Variants in DNM1 observed in about 807,000 individuals in gnomAD.
DNM1 encodes dynamin 1.
Under a neutral mutation model 104.6 loss-of-function variants are expected in DNM1, and 29 were observed. The ratio of observed to expected loss-of-function variants is 0.28; its 90% CI spans 0.21 to 0.38. The LOEUF (loss-of-function observed/expected upper bound fraction) is 0.38. Ranked by LOEUF, DNM1 falls within the 10% of genes least tolerant of loss-of-function variation. The pLI is 1.00. For synonymous variants in DNM1, 445 were observed against 475.8 expected, an observed-to-expected ratio of 0.94 and a Z score of 0.84; for missense variants, 640 against 1,189.4, an observed-to-expected ratio of 0.54 and a Z score of 6.79.
rs1050548417 is a variant in DNM1 at position 128,247,159 on chromosome 9, C to T, written c.1782-216C>T. ...CTTCTAAGCATTTTACCACTCACTT[C>T]ACTGAATCCTCAGTGACCCAAGGAG... On this transcript the variant is annotated intron_variant, in intron 16 of 21. Transcript: ENST00000372923. This position sits in a 1 kb window ranked among gnomAD's most constrained non-coding sequence, Gnocchi z 5.1. The T allele has an allele frequency of 2.1e-6, 1 of 475,584 alleles. No individual in the cohort carries two copies. The highest frequency in any genetic ancestry group is 3.3e-5 in the Admixed American group (1 of 30,250). The allele number at this position is 475,584 out of a possible 1,614,324, so 29.5% of individuals were successfully genotyped here.
In DNM1 at chr9:128,226,225, C is replaced by T. The variant is rs930758782; in HGVS notation, c.1335+1836C>T. 3.7e-6 allele frequency: 6 copies of T among 1,604,838 alleles called. No individual in the cohort carries two copies. The African/African-American group carries it at 8.0e-5, about 21-fold the overall frequency. On this transcript the variant is annotated intron_variant, in intron 10 of 21. Coordinates refer to ENST00000372923, the MANE Select transcript of DNM1 (RefSeq NM_004408.4). ...GGCCTGGCCGTCCATTCCTTGTGGC[C>T]ACAGCCTCCCGTGGGCAGAAGGATC...
At chr9:128,239,360 C>A (rs1442114124) in intron 11 of DNM1, 85 bp from the exon 12 acceptor site, 2 of 976,690 alleles carry the variant, frequency 2.0e-6, no homozygotes, top group African/African-American at 1.6e-5. Flanking sequence ...ATATGTGCTG[C>A]AAGTACTTTT....
rs968662562 is a variant in DNM1 at position 128,234,044 on chromosome 9, G to C, written c.1359G>C (p.Arg453=). 6.3e-7 allele frequency: 1 copy of C among 1,576,090 alleles called. No individual in the cohort carries two copies. The highest frequency in any genetic ancestry group is 2.4e-5 in the East Asian group (1 of 42,386). ...TKKLQQYPRL[R]EEMERIVTTH... is the part of the protein sequence containing the mutation. ...AGCTCCAGCAGTACCCGCGGCTACG[G>C]GAGGAGATGGAGCGCATCGTGACCA... The change falls in exon 11 of 22, where the codon CGG becomes CGC. Residue 453 remains arginine, a synonymous_variant. Coordinates refer to ENST00000372923, the MANE Select transcript of DNM1 (RefSeq NM_004408.4).
Position 128,253,676 on chromosome 9 carries a change from A to C in DNM1, c.2535-978A>C. On this transcript the variant is annotated intron_variant, in intron 21 of 21. Transcript: ENST00000372923. The surrounding 1 kb of genome is among the most constrained non-coding windows in gnomAD (Gnocchi z 5.9). ...GTCCCACCTCCTCTATCTGCCGGCA[A>C]TCCAGTGGTGACCTAGGGTAAAAGC... is the stretch of plus-strand genomic sequence containing the variant. The C allele has an allele frequency of 4.2e-6, 1 of 235,594 alleles. No homozygotes were observed. The highest frequency in any genetic ancestry group is 8.2e-6 in the Non-Finnish European group (1 of 122,690). The allele number at this position is 235,594 out of a possible 1,614,324, so 14.6% of individuals were successfully genotyped here.
At chr9:128,226,177 T>C in intron 10 of DNM1, 1 of 1,612,816 alleles carries the variant, frequency 6.2e-7, no homozygotes, top group East Asian at 2.2e-5. Context: ...CGAAAAGGTA[T>C]GACGGCCGCC....
rs1375160522 is a variant in DNM1, at chr9:128,254,201, G to C, written c.2535-453G>C. On this transcript the variant is annotated intron_variant, in intron 21 of 21. Transcript: ENST00000372923. The surrounding 1 kb of genome is among the most constrained non-coding windows in gnomAD (Gnocchi z 6.1). ...GCGCTCCCTCCAGCCATCCCTTTTA[G>C]TTTCACCCTCCTGGTTCAAGCAGTG... 2 of 1,329,866 alleles carry C rather than the reference G, an allele frequency of 1.5e-6. No homozygotes were observed. The highest frequency in any genetic ancestry group is 6.1e-5 in the East Asian group (2 of 32,638). 82.4% of individuals were successfully genotyped at this position (1,329,866 alleles called of 1,614,324 possible).
In DNM1 at chr9:128,238,981, ATCCTC is replaced by A. The variant is rs560358434; in HGVS notation, c.1423-441_1423-437del. Among the ~76,000 whole-genome samples the A allele has an allele frequency of 3.8e-3, 558 of 147,182 alleles. 1 individual carries two copies. Among genetic ancestry groups the A allele is most frequent in the Middle Eastern group, 0.011 (3 of 270 alleles). ...ATTTGTGATTTTCTTTCTTTCTTTC[ATCCTC>A]TCCTCTCCTCTCCTCTCCTCTCTTC... On this transcript the variant is annotated intron_variant, in intron 11 of 21. Transcript: ENST00000372923.
intron 15 of DNM1, chr9:128,244,908 C>A: frequency 2.5e-6 from 1 of 403,642 alleles, no homozygotes; most frequent in South Asian, 1.8e-5. Flanking sequence ...CCCCCCAACC[C>A]CAGCCTGTGT....
In DNM1 at chr9:128,254,888, C is replaced by T; in HGVS notation, c.*174C>T. On this transcript the variant is annotated 3_prime_UTR_variant, in exon 22 of 22. Coordinates refer to ENST00000372923, the MANE Select transcript of DNM1 (RefSeq NM_004408.4). The surrounding 1 kb of genome is among the most constrained non-coding windows in gnomAD (Gnocchi z 6.1). ...TGACCGTTGGTGAAAACTTGTGCCC[C>T]TTCTGTGGTATGCCCTTGCCCTGTT... 3 of 614,932 alleles carry T rather than the reference C, an allele frequency of 4.9e-6. No homozygotes were observed. In the South Asian group the frequency reaches 6.0e-5, roughly 12 times the overall value. The allele number at this position is 614,932 out of a possible 1,614,324, so 38.1% of individuals were successfully genotyped here.
Position 128,220,780 on chromosome 9 carries a change from T to A in DNM1, c.849+439T>A, listed in dbSNP as rs867355994. Among the ~76,000 whole-genome samples, 1 of 151,278 alleles carries A rather than the reference T, an allele frequency of 6.6e-6. No homozygotes were observed. The highest frequency in any genetic ancestry group is 2.0e-4 in the East Asian group (1 of 5,128). ...GTGTGTGTGTGTGTCTGTCTGACTG[T>A]CTGTCTGTGTAGGCAAGACCTGGTT... is the stretch of plus-strand genomic sequence containing the variant. On this transcript the variant is annotated intron_variant, in intron 6 of 21. Transcript: ENST00000372923. The surrounding 1 kb of genome is among the most constrained non-coding windows in gnomAD (Gnocchi z 5.2).
intron 1 of DNM1, among the ~76,000 whole-genome samples, chr9:128,215,287 T>C (rs980808761): frequency 4.6e-5 from 7 of 152,164 alleles, no homozygotes; most frequent in African/African-American, 1.7e-4. Context: ...TAACACGGAG[T>C]GTGGAAACCA....
chr9:128,233,054 G>T (rs145935115), intron 10 of DNM1, among the ~76,000 whole-genome samples: 2 of 152,318 alleles, frequency 1.3e-5, no homozygotes, highest in South Asian at 2.1e-4. Flanking sequence ...GCTGAAGTCC[G>T]GCAGAACCTT....
chr9:128,231,194 CTTTTTTTT>C (rs72047067), intron 10 of DNM1, among the ~76,000 whole-genome samples: 22 of 68,500 alleles, frequency 3.2e-4, no homozygotes, highest in Middle Eastern at 0.015. Flanking sequence ...ATACTTTTGC[CTTTTTTTT>C]TTTTTTTTTT....
Position 128,250,874 on chromosome 9 carries a change from C to T in DNM1, c.2468C>T (p.Pro823Leu), listed in dbSNP as rs1048565011. 1 of 1,351,810 alleles carries T rather than the reference C, an allele frequency of 7.4e-7. No individual in the cohort carries two copies. Among genetic ancestry groups the T allele is most frequent in the Non-Finnish European group, 9.5e-7 (1 of 1,057,668 alleles). The allele number at this position is 1,351,810 out of a possible 1,614,324, so 83.7% of individuals were successfully genotyped here. A position where few individuals can be genotyped will look rare whatever the true frequency, so the allele number is the denominator to read the frequency against. The change falls in exon 21 of 22, where the codon CCT (proline) becomes CTT (leucine). Residue 823 changes from proline (P) to leucine (L), a missense_variant. Pro to Leu is a moderately conservative substitution (Grantham distance 98). Around this residue, in one of 7 missense-constraint regions of DNM1, gnomAD observed 129 missense variants for 224.6 expected, o/e 0.57. Coordinates refer to ENST00000372923, the MANE Select transcript of DNM1 (RefSeq NM_004408.4). Reference sequence around the variant, plus strand: ...GTGCCCTCCAGGCCGGGGGCTTCCCCTGACCCTTTCGGCCCTCCCCCTCAG... The same window carrying T: ...GTGCCCTCCAGGCCGGGGGCTTCCCTTGACCCTTTCGGCCCTCCCCCTCAG... ...PPVPSRPGAS[P>L]DPFGPPPQVP...
At chr9:128,231,464 G>A (rs1302204494) in intron 10 of DNM1, among the ~76,000 whole-genome samples, 3 of 152,110 alleles carry the variant, frequency 2.0e-5, no homozygotes, top group Non-Finnish European at 4.4e-5. Flanking sequence ...GCCTCCCAAT[G>A]TACTGGGATT....
Position 128,251,414 on chromosome 9 carries a change from C to T in DNM1, c.2534+474C>T, listed in dbSNP as rs556471524. The T allele has an allele frequency of 3.2e-4, 98 of 310,612 alleles. 1 individual carries two copies. The highest frequency in any genetic ancestry group is 1.2e-3 in the Middle Eastern group (1 of 820). The allele number at this position is 310,612 out of a possible 1,614,324, so 19.2% of individuals were successfully genotyped here. A position where few individuals can be genotyped will look rare whatever the true frequency, so the allele number is the denominator to read the frequency against. ...TACCCTGATGTCCCCACTTCCCAGC[C>T]CTGACTCCTTTGAGCCATCCCAGGG... On this transcript the variant is annotated intron_variant, in intron 21 of 21. Transcript: ENST00000372923.
chr9:128,251,328 AG>A (rs1829508886), intron 21 of DNM1: 2 of 377,178 alleles, frequency 5.3e-6, no homozygotes, highest in East Asian at 1.7e-4. Flanking sequence ...GCCCCTGGGG[AG>A]CCTACCTTAG....
rs1835251542 is a variant in DNM1, at chr9:128,224,883, C to G, written c.1335+494C>G. On this transcript the variant is annotated intron_variant, in intron 10 of 21. Coordinates refer to ENST00000372923, the MANE Select transcript of DNM1 (RefSeq NM_004408.4). The surrounding 1 kb of genome is among the most constrained non-coding windows in gnomAD (Gnocchi z 4.3). ...TGGCTCCCCGCTGTCCTTCATCCTC[C>G]CCATACTCATCTCACCCTCACTCAG... 6.6e-6 allele frequency among the ~76,000 whole-genome samples: 1 copy of G among 152,162 alleles called. No homozygotes were observed. The highest frequency in any genetic ancestry group is 1.5e-5 in the Non-Finnish European group (1 of 68,030).
rs761674210 is a variant in DNM1, at chr9:128,234,114, C to T, written c.1422+7C>T. On this transcript the variant is annotated splice_region_variant and intron_variant, in intron 11 of 21. Transcript: ENST00000372923. Reference sequence around the variant, plus strand: ...GGGCCGCACTAAGGAGCAGGTGAGCCCCGCAGCACCCGGCCTGGCCGCGCC... The same window carrying T: ...GGGCCGCACTAAGGAGCAGGTGAGCTCCGCAGCACCCGGCCTGGCCGCGCC... 2.0e-6 allele frequency: 3 copies of T among 1,529,954 alleles called. No individual in the cohort carries two copies. The highest frequency in any genetic ancestry group is 8.8e-7 in the Non-Finnish European group (1 of 1,134,788). 94.8% of individuals were successfully genotyped at this position (1,529,954 alleles called of 1,614,324 possible). A position where few individuals can be genotyped will look rare whatever the true frequency, so the allele number is the denominator to read the frequency against.
Sources: allele counts gnomAD v4.1 joint callset (sites outside exome capture counted in the v4.1 genomes callset), GRCh38; gene constraint gnomAD v4.1.1; regional missense constraint gnomAD v4.1.1; non-coding constraint Gnocchi (gnomAD v3.1); transcripts MANE v1.5; gene names NCBI Gene and HGNC (gene_info 2026-07-23, HGNC 2026-07-21).